Variants in GLB1 observed in about 807,000 individuals in gnomAD.
GLB1 encodes beta-galactosidase.
GLB1 carries 56 observed loss-of-function variants against 74.0 expected under a neutral mutation model. The ratio of observed to expected loss-of-function variants is 0.76; its 90% CI spans 0.61 to 0.94. GLB1 has a LOEUF of 0.94. GLB1 is among the 40% of genes least tolerant of loss of function. The probability of loss-of-function intolerance (pLI) is 0.00; values close to 1 mark genes in which losing one functional copy is unlikely to be tolerated. For synonymous variants in GLB1, 323 were observed against 323.6 expected (o/e 1.00, Z 0.02); for missense variants, 787 against 845.5 (o/e 0.93, Z 0.86).
Position 33,068,806 on chromosome 3 carries a change from C to A in GLB1, c.396+14G>T, listed in dbSNP as rs771476847. ...TCACACACACCAGGTAGAGCCCAGT[C>A]TAGCCACACTCACCATTTCCCACTC... On this transcript the variant is annotated intron_variant, in intron 3 of 15. Coordinates refer to ENST00000307363, the MANE Select transcript of GLB1 (RefSeq NM_000404.4). 3.1e-6 allele frequency: 5 copies of A among 1,613,476 alleles called. No homozygotes were observed. In the East Asian group the frequency reaches 8.9e-5, roughly 29 times the overall value.
chr3:33,028,954 C>A (rs1312274204), intron 10 of GLB1, among the ~76,000 whole-genome samples: 1 of 152,092 alleles, frequency 6.6e-6, no homozygotes, highest in African/African-American at 2.4e-5. Flanking sequence ...TGAGCCACTG[C>A]GCCTGGTCAT....
chr3:33,067,818 T>A (rs956384280), intron 4 of GLB1, among the ~76,000 whole-genome samples: 1 of 152,222 alleles, frequency 6.6e-6, no homozygotes, highest in Non-Finnish European at 1.5e-5. Flanking sequence ...CTTTCAAAAG[T>A]ATTTGTGCAG....
intron 1 of GLB1, among the ~76,000 whole-genome samples, chr3:33,083,695 C>T (rs369117953): frequency 3.3e-5 from 5 of 152,190 alleles, no homozygotes; most frequent in Non-Finnish European, 5.9e-5. Context: ...CAAGGCTCCC[C>T]GTTAACGCAT....
At chr3:33,054,255 C>T (rs756213343) in intron 6 of GLB1, among the ~76,000 whole-genome samples, 1 of 152,130 alleles carries the variant, frequency 6.6e-6, no homozygotes, top group African/African-American at 2.4e-5. Flanking sequence ...TTTGTTATAG[C>T]AGCCCACACT....
rs572464425 is a variant in GLB1, at chr3:33,008,958, A to C, written c.1734+5098T>G. ...AACATGGAGAAACCCCGTCTCTACT[A>C]AAAATACAAAATTAGCCAGGCGTGG... On this transcript the variant is annotated intron_variant, in intron 15 of 15. Transcript: ENST00000307363. Among the ~76,000 whole-genome samples the C allele has an allele frequency of 1.5e-4, 23 of 151,980 alleles. No homozygotes were observed. The South Asian group carries it at 1.7e-3, about 11-fold the overall frequency.
At chr3:33,041,968 A>T (rs1698520741) in intron 10 of GLB1, among the ~76,000 whole-genome samples, 1 of 152,088 alleles carries the variant, frequency 6.6e-6, no homozygotes, top group Non-Finnish European at 1.5e-5. Flanking sequence ...CCCCCCACAT[A>T]AATGGTAACT....
In GLB1 at chr3:33,046,219, G is replaced by A; in HGVS notation, c.969C>T (p.Pro323=). 1.9e-6 allele frequency: 3 copies of A among 1,614,034 alleles called. No individual in the cohort carries two copies. Among genetic ancestry groups the A allele is most frequent in the African/African-American group, 1.3e-5 (1 of 75,028 alleles). ...NFAYWNGANS[P]YAAQPTSYDY... ...CGTAGCTGGTGGGCTGTGCTGCATA[G>A]GGTGAGTTGGCCCCTAGAAGACAAA... Residue 323 remains proline, a synonymous_variant, in exon 10 of 16, where the codon CCC becomes CCT. Coordinates refer to ENST00000307363, the MANE Select transcript of GLB1 (RefSeq NM_000404.4).
At chr3:32,965,480 G>T in the GLB1 span, among the ~76,000 whole-genome samples, 1 of 152,056 alleles carries the variant, frequency 6.6e-6, no homozygotes, top group Admixed American at 6.6e-5. Context: ...GATAATTTAG[G>T]GTATCTGGTG....
intron 10 of GLB1, among the ~76,000 whole-genome samples, chr3:33,025,605 CGG>C: frequency 1.3e-5 from 2 of 150,970 alleles, no homozygotes; most frequent in African/African-American, 4.9e-5. Context: ...CTGGCTGTGG[CGG>C]AAGGAGGTCG....
At chr3:33,067,692 C>T (rs1377134468) in intron 4 of GLB1, among the ~76,000 whole-genome samples, 1 of 152,140 alleles carries the variant, frequency 6.6e-6, no homozygotes, top group Non-Finnish European at 1.5e-5. Context: ...AATACCAATT[C>T]AAAGAATTAC....
chr3:33,013,343 G>A (rs1697104515), intron 15 of GLB1, among the ~76,000 whole-genome samples: 1 of 152,132 alleles, frequency 6.6e-6, no homozygotes, highest in African/African-American at 2.4e-5. Context: ...TTTTTAATAT[G>A]AGTCTGCCTC....
At chr3:32,967,595 G>T in the GLB1 span, among the ~76,000 whole-genome samples, 3 of 151,052 alleles carry the variant, frequency 2.0e-5, no homozygotes, top group East Asian at 5.8e-4. Context: ...TCCTTTGGAT[G>T]TTAATCTGAC....
At chr3:33,077,859 AC>A (rs1017087256) in intron 1 of GLB1, among the ~76,000 whole-genome samples, 2 of 152,052 alleles carry the variant, frequency 1.3e-5, no homozygotes, top group African/African-American at 2.4e-5. Flanking sequence ...CAAAAAAAAA[AC>A]ATAAAAATCC....
intron 10 of GLB1, among the ~76,000 whole-genome samples, chr3:33,041,189 T>G (rs1267885635): frequency 6.6e-6 from 1 of 152,160 alleles, no homozygotes; most frequent in East Asian, 1.9e-4. Flanking sequence ...AAAGTCACAC[T>G]TAGATTCATC....
At chr3:33,039,404 G>A (rs4583587) in intron 10 of GLB1, among the ~76,000 whole-genome samples, 1 of 151,944 alleles carries the variant, frequency 6.6e-6, no homozygotes, top group Non-Finnish European at 1.5e-5. Context: ...TACAACAAAA[G>A]AAGATGAGGA....
chr3:33,025,360 T>C (rs755367756), intron 10 of GLB1, among the ~76,000 whole-genome samples: 14 of 152,356 alleles, frequency 9.2e-5, no homozygotes, highest in Non-Finnish European at 8.8e-5. Flanking sequence ...CATATACACA[T>C]GCACACACAT....
At position 33,046,121 on chromosome 3, in the gene GLB1, TTCTGGA is replaced by T; in HGVS notation, c.1061_1066del (p.Ile354_Gln355del). 6.2e-7 allele frequency: 1 copy of T among 1,612,600 alleles called. No homozygotes were observed. Reference sequence around the variant, plus strand: ...CCACAGCTCATACAAAGCACCCACCTTCTGGATGATGTTTCGCAGAGCAAAATACTT... The same window carrying T: ...CCACAGCTCATACAAAGCACCCACCTTGATGTTTCGCAGAGCAAAATACTT... On this transcript the variant is annotated inframe_deletion and splice_region_variant, in exon 10 of 16. Coordinates refer to ENST00000307363, the MANE Select transcript of GLB1 (RefSeq NM_000404.4).
At chr3:32,989,662 A>G in the GLB1 span, among the ~76,000 whole-genome samples, 1 of 152,186 alleles carries the variant, frequency 6.6e-6, no homozygotes, top group African/African-American at 2.4e-5. Context: ...AGGCTGAAAT[A>G]TTGTTCTTCT....
At chr3:33,034,472 C>A in intron 10 of GLB1, 1 of 731,056 alleles carries the variant, frequency 1.4e-6, no homozygotes, top group Non-Finnish European at 2.5e-6. Context: ...AAGCTGGAAG[C>A]ACAGTGACTG....
Sources: allele counts gnomAD v4.1 joint callset (sites outside exome capture counted in the v4.1 genomes callset), GRCh38; gene constraint gnomAD v4.1.1; transcripts MANE v1.5; gene names NCBI Gene and HGNC (gene_info 2026-07-23, HGNC 2026-07-21).